The following SLC26A7 variants were observed in gnomAD, a reference collection of about 807,000 sequenced individuals.
SLC26A7 encodes anion exchange transporter.
SLC26A7 carries 59 observed loss-of-function variants against 82.5 expected under a neutral mutation model. The ratio of observed to expected loss-of-function variants is 0.72; its 90% CI spans 0.58 to 0.89. The LOEUF (loss-of-function observed/expected upper bound fraction) is 0.89, where lower values mean the gene tolerates loss of function less well. Among genes scored for constraint, SLC26A7 ranks in the 40% least tolerant of loss-of-function variants. SLC26A7 has a pLI of 0.00. For missense variants in SLC26A7, 820 were observed against 793.0 expected (o/e 1.03, Z -0.41); for synonymous variants, 271 against 274.3 (o/e 0.99, Z 0.12).
At position 91,366,698 on chromosome 8, in the gene SLC26A7, C is replaced by T. The variant is rs1409460284; in HGVS notation, c.1607C>T (p.Pro536Leu). 4 of 1,612,548 alleles carry T rather than the reference C, an allele frequency of 2.5e-6. No homozygotes were observed. Among genetic ancestry groups the T allele is most frequent in the Non-Finnish European group, 3.4e-6 (4 of 1,179,640 alleles). Residue 536 changes from proline (P) to leucine (L), a missense_variant, in exon 14 of 19, where the codon CCA becomes CTA. Transcript: ENST00000276609. ...CAAAAGGAAAATGCCTGTAATCAGCCACTTGATGATATCAGCAAGGTAGGA... is the reference window on the plus strand; with the variant it reads ...CAAAAGGAAAATGCCTGTAATCAGCTACTTGATGATATCAGCAAGGTAGGA... Reference protein sequence around the residue: ...MIQKENACNQPLDDISKCEQN... With the variant: ...MIQKENACNQLLDDISKCEQN...
intron 2 of SLC26A7, among the ~76,000 whole-genome samples, chr8:91,240,239 C>T (rs1179083896): frequency 6.6e-6 from 1 of 152,064 alleles, no homozygotes; most frequent in African/African-American, 2.4e-5. Context: ...AGTAAAGTTC[C>T]ATAAGGATTG....
chr8:91,241,280 A>G (rs1335822531), intron 2 of SLC26A7, among the ~76,000 whole-genome samples: 3 of 152,162 alleles, frequency 2.0e-5, no homozygotes, highest in Non-Finnish European at 4.4e-5. Flanking sequence ...AAAAAATTAC[A>G]TGTATAGTAA....
intron 2 of SLC26A7, among the ~76,000 whole-genome samples, chr8:91,275,449 T>G (rs1811382968): frequency 6.6e-6 from 1 of 152,016 alleles, no homozygotes; most frequent in Non-Finnish European, 1.5e-5. Flanking sequence ...CAGGCATGCA[T>G]CTTTCACTGA....
At chr8:91,346,006 A>T (rs1813553136) in intron 9 of SLC26A7, among the ~76,000 whole-genome samples, 1 of 152,188 alleles carries the variant, frequency 6.6e-6, no homozygotes. Context: ...TCTGGAGGCC[A>T]CACATTTGAA....
intron 16 of SLC26A7, among the ~76,000 whole-genome samples, chr8:91,390,173 C>T (rs1464969892): frequency 6.6e-6 from 1 of 150,594 alleles, no homozygotes; most frequent in Non-Finnish European, 1.5e-5. Flanking sequence ...TGCAGTGGCG[C>T]GATCTCGGCT....
intron 2 of SLC26A7, among the ~76,000 whole-genome samples, chr8:91,267,383 G>A (rs1227771547): frequency 6.6e-6 from 1 of 151,900 alleles, no homozygotes; most frequent in Admixed American, 6.6e-5. Context: ...GAAGCCATCA[G>A]ATTCTTGGCT....
intron 3 of SLC26A7, 57 bp from the exon 4 acceptor site, chr8:91,295,474 T>G: frequency 1.9e-6 from 3 of 1,558,704 alleles, no homozygotes; most frequent in Non-Finnish European, 2.6e-6. Context: ...CCACAATTTT[T>G]ATTGAGCCTT....
intron 5 of SLC26A7, among the ~76,000 whole-genome samples, chr8:91,320,027 C>T (rs1294031622): frequency 6.6e-6 from 1 of 152,076 alleles, no homozygotes; most frequent in Non-Finnish European, 1.5e-5. Context: ...AGCTACTTTA[C>T]CCTAGTCTTG....
chr8:91,299,859 G>A (rs780222396), intron 4 of SLC26A7, among the ~76,000 whole-genome samples: 3 of 152,158 alleles, frequency 2.0e-5, no homozygotes, highest in Non-Finnish European at 4.4e-5. Context: ...GAAATTTATT[G>A]TTCTATGCTA....
At chr8:91,292,179 C>G (rs1811888929) in intron 3 of SLC26A7, among the ~76,000 whole-genome samples, 1 of 151,922 alleles carries the variant, frequency 6.6e-6, no homozygotes, top group African/African-American at 2.4e-5. Flanking sequence ...GTGGCGGGCA[C>G]CTGTAGTCCC....
At chr8:91,293,826 C>T (rs984251435) in intron 3 of SLC26A7, among the ~76,000 whole-genome samples, 1 of 152,114 alleles carries the variant, frequency 6.6e-6, no homozygotes, top group Non-Finnish European at 1.5e-5. Context: ...AAAGACAAAC[C>T]TCTTTACTCT....
At chr8:91,324,497 T>TG (rs911301205) in intron 5 of SLC26A7, among the ~76,000 whole-genome samples, 1 of 152,112 alleles carries the variant, frequency 6.6e-6, no homozygotes, top group Non-Finnish European at 1.5e-5. Flanking sequence ...CAGAATAATC[T>TG]GGGGGGATTT....
rs191309953 is a variant in SLC26A7 at position 91,346,323 on chromosome 8, G to A, written c.1140+2857G>A. ...TTAACATTGCAAGTGTTAAGTTTAT[G>A]TGGGTAAAACTGATAACTGACATGG... On this transcript the variant is annotated intron_variant, in intron 9 of 18. Transcript: ENST00000276609. Among the ~76,000 whole-genome samples the A allele has an allele frequency of 2.0e-5, 3 of 152,222 alleles. No individual in the cohort carries two copies. The East Asian group carries it at 5.8e-4, about 29-fold the overall frequency.
At chr8:91,362,580 G>A in intron 12 of SLC26A7, 121 bp downstream of exon 12, 3 of 632,140 alleles carry the variant, frequency 4.7e-6, no homozygotes, top group South Asian at 6.7e-5. Flanking sequence ...ACAATCTCAT[G>A]TTTTTCTTGC....
chr8:91,216,748 T>G (rs1810054898), intron 1 of SLC26A7, among the ~76,000 whole-genome samples: 1 of 152,164 alleles, frequency 6.6e-6, no homozygotes, highest in South Asian at 2.1e-4. Context: ...ATATCTTATA[T>G]AGTAGATTTA....
chr8:91,226,771 T>C (rs1306211304), intron 2 of SLC26A7, among the ~76,000 whole-genome samples: 1 of 152,252 alleles, frequency 6.6e-6, no homozygotes. Flanking sequence ...ATACTTTTTA[T>C]GGAGGGCCTG....
At chr8:91,285,429 A>G (rs528178270) in intron 2 of SLC26A7, among the ~76,000 whole-genome samples, 2 of 152,262 alleles carry the variant, frequency 1.3e-5, no homozygotes, top group African/African-American at 4.8e-5. Flanking sequence ...TTATAAGGAC[A>G]CCAGTCATAT....
intron 4 of SLC26A7, among the ~76,000 whole-genome samples, chr8:91,316,160 G>T (rs1456425418): frequency 6.6e-6 from 1 of 152,096 alleles, no homozygotes; most frequent in Non-Finnish European, 1.5e-5. Context: ...TGCTCTAGTG[G>T]TACCAGATAT....
At chr8:91,386,299 TA>T (rs1204362847) in intron 15 of SLC26A7, among the ~76,000 whole-genome samples, 4 of 152,182 alleles carry the variant, frequency 2.6e-5, no homozygotes, top group Non-Finnish European at 4.4e-5. Context: ...AAATAAATAA[TA>T]AGGCTTAAAT....
Sources: allele counts gnomAD v4.1 joint callset (sites outside exome capture counted in the v4.1 genomes callset), GRCh38; gene constraint gnomAD v4.1.1; transcripts MANE v1.5; gene names NCBI Gene and HGNC (gene_info 2026-07-23, HGNC 2026-07-21).